The following AUTS2 variants were observed in gnomAD, a reference collection of about 807,000 sequenced individuals.
AUTS2 encodes autism susceptibility gene 2 protein.
A neutral mutation model predicts 112.4 loss-of-function variants in AUTS2; 17 were observed. That is an observed-to-expected ratio of 0.15 (90% CI 0.10 to 0.23). The LOEUF (loss-of-function observed/expected upper bound fraction) is 0.23, where lower values mean the gene tolerates loss of function less well. Ranked by LOEUF, AUTS2 falls within the 10% of genes least tolerant of loss-of-function variation. AUTS2 has a pLI of 1.00. For missense variants in AUTS2, 1,510 were observed against 1,701.6 expected (o/e 0.89, Z 1.98); for synonymous variants, 751 against 702.7 (o/e 1.07, Z -1.09).
In AUTS2 at chr7:70,083,032, A is replaced by G. The variant is rs546222812; in HGVS notation, c.523-35100A>G. 7.9e-5 allele frequency among the ~76,000 whole-genome samples: 12 copies of G among 152,308 alleles called. No individual in the cohort carries two copies. In the South Asian group the frequency reaches 2.5e-3, roughly 32 times the overall value. Reference sequence around the variant, plus strand: ...CTGACCCTGTTGACCTTCCTTCTTCAAATTTCATAAACTCGCTTACTTCTG... The same window carrying G: ...CTGACCCTGTTGACCTTCCTTCTTCGAATTTCATAAACTCGCTTACTTCTG... On this transcript the variant is annotated intron_variant, in intron 2 of 18. Coordinates refer to ENST00000342771, the MANE Select transcript of AUTS2 (RefSeq NM_015570.4).
intron 4 of AUTS2, among the ~76,000 whole-genome samples, chr7:70,426,362 C>T (rs371237009): frequency 2.0e-5 from 3 of 152,184 alleles, no homozygotes; most frequent in Non-Finnish European, 2.9e-5. Flanking sequence ...CATTTCTAAA[C>T]GAGGACGGTT....
intron 4 of AUTS2, among the ~76,000 whole-genome samples, chr7:70,387,349 C>T (rs1380060479): frequency 6.6e-6 from 1 of 152,218 alleles, no homozygotes; most frequent in African/African-American, 2.4e-5. Flanking sequence ...GCTCAGTTGA[C>T]TATTCCTCCA....
intron 5 of AUTS2, among the ~76,000 whole-genome samples, chr7:70,654,320 G>T (rs1374102203): frequency 6.6e-6 from 1 of 152,184 alleles, no homozygotes; most frequent in African/African-American, 2.4e-5. Context: ...AGTCTCTGTA[G>T]CAACTACCCA....
chr7:69,828,404 G>A (rs1791350395), intron 1 of AUTS2, among the ~76,000 whole-genome samples: 2 of 152,176 alleles, frequency 1.3e-5, no homozygotes, highest in African/African-American at 2.4e-5. Context: ...AAGAGGACAG[G>A]CCCACATGCA....
chr7:69,794,449 GTA>G (rs770724071), intron 1 of AUTS2, among the ~76,000 whole-genome samples: 1 of 152,190 alleles, frequency 6.6e-6, no homozygotes, highest in South Asian at 2.1e-4. Flanking sequence ...AAGTAAAAGT[GTA>G]TATGTTTCTG....
intron 1 of AUTS2, among the ~76,000 whole-genome samples, chr7:69,689,741 G>C (rs941476399): frequency 6.6e-6 from 1 of 150,922 alleles, no homozygotes; most frequent in Non-Finnish European, 1.5e-5. Context: ...GTAGTGGCAT[G>C]ATCTTGACTC....
In AUTS2 at chr7:70,414,897, C is replaced by T. The variant is rs1794927630; in HGVS notation, c.661-20855C>T. On this transcript the variant is annotated intron_variant, in intron 4 of 18. Coordinates refer to ENST00000342771, the MANE Select transcript of AUTS2 (RefSeq NM_015570.4). ...CTGGACTGTCTGATTTCTTTACAGC[C>T]TGGAACAGAGGGTAACAAGTCTCCC... Among the ~76,000 whole-genome samples the T allele has an allele frequency of 2.6e-5, 4 of 152,276 alleles. 1 individual carries two copies. The Middle Eastern group carries it at 0.01, about 388-fold the overall frequency.
At chr7:70,496,895 C>T (rs1176660964) in intron 5 of AUTS2, among the ~76,000 whole-genome samples, 1 of 132,774 alleles carries the variant, frequency 7.5e-6, no homozygotes, top group East Asian at 2.5e-4. Flanking sequence ...ACATCAGCGT[C>T]GATCACACAC....
intron 4 of AUTS2, among the ~76,000 whole-genome samples, chr7:70,135,304 AAG>A (rs1015059667): frequency 5.9e-5 from 9 of 152,138 alleles, no homozygotes; most frequent in African/African-American, 2.2e-4. Context: ...ACAAATGAAA[AAG>A]AGTGACAAAT....
chr7:70,124,934 T>C (rs1413908805), intron 3 of AUTS2, among the ~76,000 whole-genome samples: 1 of 152,246 alleles, frequency 6.6e-6, no homozygotes, highest in Non-Finnish European at 1.5e-5. Context: ...TTTTTGTTTT[T>C]GTTTTTTCTT....
At position 69,981,853 on chromosome 7, in the gene AUTS2, C is replaced by G. The variant is rs139517187; in HGVS notation, c.522+82355C>G. Among the ~76,000 whole-genome samples, 231 of 152,340 alleles carry G rather than the reference C, an allele frequency of 1.5e-3. 1 individual carries two copies. The highest frequency in any genetic ancestry group is 4.7e-3 in the African/African-American group (194 of 41,580). ...CAAAATACATATACTCGTTCTACCACTTGATATGTACACACTTCGAGTTGG... is the reference window on the plus strand; with the variant it reads ...CAAAATACATATACTCGTTCTACCAGTTGATATGTACACACTTCGAGTTGG... On this transcript the variant is annotated intron_variant, in intron 2 of 18. Transcript: ENST00000342771.
At chr7:70,224,709 C>T (rs1036457486) in intron 4 of AUTS2, among the ~76,000 whole-genome samples, 2 of 152,196 alleles carry the variant, frequency 1.3e-5, no homozygotes, top group Non-Finnish European at 2.9e-5. Flanking sequence ...CCTAGAGCTA[C>T]TTCCAGTCCT....
intron 5 of AUTS2, among the ~76,000 whole-genome samples, chr7:70,499,253 A>T (rs895801510): frequency 6.6e-6 from 1 of 152,216 alleles, no homozygotes; most frequent in Non-Finnish European, 1.5e-5. Context: ...CTGAAGGGAA[A>T]GGAGAAGGGA....
At chr7:70,619,524 C>G (rs1258304511) in intron 5 of AUTS2, among the ~76,000 whole-genome samples, 2 of 151,406 alleles carry the variant, frequency 1.3e-5, no homozygotes, top group African/African-American at 4.9e-5. Flanking sequence ...CCTTTCTTCC[C>G]TCTCCTCTCT....
chr7:69,684,068 C>T (rs2129171279), intron 1 of AUTS2, among the ~76,000 whole-genome samples: 1 of 152,282 alleles, frequency 6.6e-6, no homozygotes, highest in East Asian at 1.9e-4. Flanking sequence ...AAGACTCAGC[C>T]ATCTTGAGAT....
At chr7:70,123,351 G>T (rs1805789887) in intron 3 of AUTS2, among the ~76,000 whole-genome samples, 1 of 152,220 alleles carries the variant, frequency 6.6e-6, no homozygotes, top group Non-Finnish European at 1.5e-5. Flanking sequence ...GTGAAGGTTT[G>T]TAATATAGGT....
chr7:69,740,504 A>G (rs527537602), intron 1 of AUTS2, among the ~76,000 whole-genome samples: 6 of 150,462 alleles, frequency 4.0e-5, no homozygotes, highest in South Asian at 2.1e-4. Flanking sequence ...TGACAAAAAC[A>G]TACTTAAATC....
chr7:70,214,497 G>T (rs1420424806), intron 4 of AUTS2, among the ~76,000 whole-genome samples: 2 of 152,096 alleles, frequency 1.3e-5, no homozygotes, highest in African/African-American at 4.8e-5. Context: ...AAAACACTCA[G>T]TCACACACAT....
At chr7:70,594,593 C>T (rs1424397793) in intron 5 of AUTS2, among the ~76,000 whole-genome samples, 1 of 152,156 alleles carries the variant, frequency 6.6e-6, no homozygotes, top group Non-Finnish European at 1.5e-5. Context: ...CAGGGAGAGG[C>T]TTAGCAGCTC....
Sources: gnomAD v4.1 joint callset for allele counts (sites outside exome capture counted in the v4.1 genomes callset) on GRCh38, gnomAD v4.1.1 for gene constraint, MANE v1.5 for transcripts, NCBI Gene and HGNC (gene_info 2026-07-23, HGNC 2026-07-21) for gene names.